Variants in RERE observed in about 807,000 individuals in gnomAD.
The protein encoded by RERE is arginine-glutamic acid dipeptide repeats, also known as arginine-glutamic acid dipeptide repeats protein.
A neutral mutation model predicts 146.1 loss-of-function variants in RERE; 40 were observed. That is an observed-to-expected ratio of 0.27 (90% CI 0.21 to 0.36). The LOEUF (loss-of-function observed/expected upper bound fraction) is 0.36. Among genes scored for constraint, RERE ranks in the 10% least tolerant of loss-of-function variants. RERE has a pLI of 1.00. For missense variants in RERE, 1,933 were observed against 2,138.7 expected, an observed-to-expected ratio of 0.90 and a Z score of 1.90; for synonymous variants, 1,003 against 866.0, an observed-to-expected ratio of 1.16 and a Z score of -2.78.
Position 8,441,665 on chromosome 1 carries a change from A to G in RERE, c.1204-18858T>C, listed in dbSNP as rs780335457. On this transcript the variant is annotated intron_variant, in intron 11 of 22. Transcript: ENST00000400908. ...AATTATACTTTTGGCATTATTATGGAAAGAATTCAAATAACTGAGTGACAC... is the reference window on the plus strand; with the variant it reads ...AATTATACTTTTGGCATTATTATGGGAAGAATTCAAATAACTGAGTGACAC... Among the ~76,000 whole-genome samples, 135 of 152,216 alleles carry G rather than the reference A, an allele frequency of 8.9e-4. 2 individuals carry two copies. Among genetic ancestry groups the G allele is most frequent in the Non-Finnish European group, 3.5e-4 (24 of 68,030 alleles).
chr1:8,692,346 T>TA, intron 1 of RERE, among the ~76,000 whole-genome samples: 2 of 149,924 alleles, frequency 1.3e-5, no homozygotes, highest in Admixed American at 1.3e-4. Flanking sequence ...CCCATATACT[T>TA]TTTTTTTTTC....
At chr1:8,498,728 T>TACACACACACACAC (rs1216791448) in intron 8 of RERE, among the ~76,000 whole-genome samples, 5 of 11,408 alleles carry the variant, frequency 4.4e-4, no homozygotes, top group African/African-American at 1.3e-3. Flanking sequence ...AAAAAATAAA[T>TACACACACACACAC]ATATACACAC....
At chr1:8,359,632 A>G (rs1641468897) in intron 19 of RERE, 132 bp downstream of exon 19, 1 of 1,017,370 alleles carries the variant, frequency 9.8e-7, no homozygotes, top group Non-Finnish European at 1.5e-6. Context: ...ACAGGGTGTA[A>G]ATAGCACCCA....
chr1:8,791,943 T>C (rs887578625), intron 1 of RERE, among the ~76,000 whole-genome samples: 6 of 152,086 alleles, frequency 3.9e-5, no homozygotes, highest in African/African-American at 1.2e-4. Flanking sequence ...CAAAGATAAA[T>C]TAGGCCGGGC....
At chr1:8,379,863 C>T (rs986746879) in intron 12 of RERE, among the ~76,000 whole-genome samples, 2 of 152,218 alleles carry the variant, frequency 1.3e-5, no homozygotes, top group African/African-American at 4.8e-5. Context: ...ATCTCTGCAA[C>T]ACGCTGTGTA....
intron 1 of RERE, among the ~76,000 whole-genome samples, chr1:8,670,680 CA>C (rs1308255759): frequency 6.6e-6 from 1 of 152,120 alleles, no homozygotes; most frequent in East Asian, 1.9e-4. Flanking sequence ...AAAGCAAGCA[CA>C]AAGTTCTGAC....
chr1:8,528,069 C>T (rs942590255), intron 7 of RERE, among the ~76,000 whole-genome samples: 1 of 152,174 alleles, frequency 6.6e-6, no homozygotes, highest in African/African-American at 2.4e-5. Flanking sequence ...CTATTTTGTA[C>T]CTCAAAGAAC....
At position 8,381,343 on chromosome 1, in the gene RERE, A is replaced by G. The variant is rs576212875; in HGVS notation, c.1285-15369T>C. On this transcript the variant is annotated intron_variant, in intron 12 of 22. Transcript: ENST00000400908. ...TGCGCAATCATTAGCAGAGTGCCTG[A>G]CACAAGATGGGTGCTCGGGAAACGC... Among the ~76,000 whole-genome samples, 4 of 152,296 alleles carry G rather than the reference A, an allele frequency of 2.6e-5. No homozygotes were observed. The East Asian group carries it at 7.7e-4, about 29-fold the overall frequency.
chr1:8,434,220 T>A (rs1644136630), intron 11 of RERE, among the ~76,000 whole-genome samples: 1 of 151,692 alleles, frequency 6.6e-6, no homozygotes, highest in South Asian at 2.1e-4. Flanking sequence ...CCAGCAAGAG[T>A]CCAACAGCCC....
intron 4 of RERE, among the ~76,000 whole-genome samples, chr1:8,612,715 A>C (rs1216085567): frequency 6.6e-6 from 1 of 152,234 alleles, no homozygotes; most frequent in East Asian, 1.9e-4. Flanking sequence ...TATCAGCCTG[A>C]AAGTAAAACC....
chr1:8,681,074 A>G (rs1638954288), intron 1 of RERE, among the ~76,000 whole-genome samples: 1 of 152,174 alleles, frequency 6.6e-6, no homozygotes, highest in Non-Finnish European at 1.5e-5. Context: ...CGGGAAACAA[A>G]TTTCCTAGGC....
intron 1 of RERE, among the ~76,000 whole-genome samples, chr1:8,696,907 C>A (rs367999012): frequency 3.3e-5 from 5 of 150,888 alleles, no homozygotes; most frequent in African/African-American, 1.2e-4. Context: ...AAGACTCCAT[C>A]TCAAAAATAA....
At chr1:8,503,131 A>AAAT (rs1645203745) in intron 8 of RERE, among the ~76,000 whole-genome samples, 2 of 145,652 alleles carry the variant, frequency 1.4e-5, no homozygotes, top group African/African-American at 2.5e-5. Flanking sequence ...AATAAATAAA[A>AAAT]AAGAATTGAT....
chr1:8,528,401 C>T (rs1047026786), intron 7 of RERE, among the ~76,000 whole-genome samples: 1 of 146,664 alleles, frequency 6.8e-6, no homozygotes, highest in Admixed American at 7.0e-5. Flanking sequence ...CTATATTGGA[C>T]TATATCATAT....
rs553238293 is a variant in RERE at position 8,610,461 on chromosome 1, C to T, written c.522+4100G>A. Among the ~76,000 whole-genome samples, 9 of 152,088 alleles carry T rather than the reference C, an allele frequency of 5.9e-5. No homozygotes were observed. In the East Asian group the frequency reaches 9.7e-4, roughly 16 times the overall value. On this transcript the variant is annotated intron_variant, in intron 4 of 22. Coordinates refer to ENST00000400908, the MANE Select transcript of RERE (RefSeq NM_001042681.2). ...AAACTTAGCCAGGCATGGTGGTGGA[C>T]GCCTGTAATCCCAGCTACTCCAGAG...
At chr1:8,456,850 A>G (rs1258257140) in intron 11 of RERE, among the ~76,000 whole-genome samples, 1 of 152,152 alleles carries the variant, frequency 6.6e-6, no homozygotes. Context: ...TGAACTCTCC[A>G]TGGCTACCTT....
intron 7 of RERE, among the ~76,000 whole-genome samples, chr1:8,520,094 C>A (rs1333480408): frequency 5.3e-5 from 8 of 152,112 alleles, no homozygotes; most frequent in East Asian, 1.9e-4. Flanking sequence ...AATGAAAAAA[C>A]AAAGAGATTT....
chr1:8,360,500 G>C lies in RERE; in HGVS notation c.3007C>G (p.Gln1003Glu). ...TGGCTCTGGGTCAGCCCGGGGGGCT[G>C]GGCGGGCGAGGAGGGCAATGGCTGG... ...QSQPLPSSPAQPPGLTQSQNL... is the reference protein window; with the variant it reads ...QSQPLPSSPAEPPGLTQSQNL... Residue 1003 changes from glutamine to glutamate, a missense_variant, in exon 18 of 23, where the codon CAG (glutamine) becomes GAG (glutamate). By Grantham distance (29) the Gln-to-Glu change is conservative (BLOSUM62 2). Coordinates refer to ENST00000400908, the MANE Select transcript of RERE (RefSeq NM_001042681.2). 1 of 1,390,902 alleles carries C rather than the reference G, an allele frequency of 7.2e-7. No individual in the cohort carries two copies. Among genetic ancestry groups the C allele is most frequent in the Non-Finnish European group, 9.5e-7 (1 of 1,054,124 alleles). 86.2% of individuals were successfully genotyped at this position (1,390,902 alleles called of 1,614,324 possible).
chr1:8,597,138 A>C (rs1418497530), intron 4 of RERE, among the ~76,000 whole-genome samples: 1 of 150,680 alleles, frequency 6.6e-6, no homozygotes, highest in Non-Finnish European at 1.5e-5. Context: ...CCCAGGCCAG[A>C]GCGCAGTGGC....
Sources: allele counts gnomAD v4.1 joint callset (sites outside exome capture counted in the v4.1 genomes callset), GRCh38; gene constraint gnomAD v4.1.1; transcripts MANE v1.5; gene names NCBI Gene and HGNC (gene_info 2026-07-23, HGNC 2026-07-21).